Variants in CFAP299 observed in about 807,000 individuals in gnomAD.
CFAP299 encodes the protein cilia- and flagella-associated protein 299.
In CFAP299, 21 loss-of-function variants were observed where a neutral mutation model predicts 27.0. The observed-to-expected ratio is 0.78, with a 90% confidence interval of 0.55 to 1.12. The LOEUF is 1.12. CFAP299 is among the 50% of genes most tolerant of loss of function. The pLI, the probability that CFAP299 is intolerant of heterozygous loss-of-function variation, is 0.00. For synonymous variants in CFAP299, 104 were observed against 98.1 expected (o/e 1.06, Z -0.36); for missense variants, 310 against 276.6 (o/e 1.12, Z -0.86).
chr4:80,825,541 A>G (rs1729937501), intron 3 of CFAP299, among the ~76,000 whole-genome samples: 1 of 152,032 alleles, frequency 6.6e-6, no homozygotes, highest in African/African-American at 2.4e-5. Flanking sequence ...CAGCAAAAGT[A>G]TCAACATATT....
intron 1 of CFAP299, among the ~76,000 whole-genome samples, chr4:80,356,770 A>G (rs1404332329): frequency 6.6e-6 from 1 of 152,072 alleles, no homozygotes; most frequent in Non-Finnish European, 1.5e-5. Flanking sequence ...ATAAGATCAT[A>G]TAATCTGCAA....
chr4:80,431,741 G>A (rs1271308622), intron 2 of CFAP299, among the ~76,000 whole-genome samples: 1 of 152,174 alleles, frequency 6.6e-6, no homozygotes, highest in Non-Finnish European at 1.5e-5. Flanking sequence ...CGGGGTCACT[G>A]CTCATTAACC....
At chr4:80,883,330 A>G (rs1733809398) in intron 4 of CFAP299, among the ~76,000 whole-genome samples, 1 of 152,170 alleles carries the variant, frequency 6.6e-6, no homozygotes, top group African/African-American at 2.4e-5. Context: ...GCATACCACT[A>G]TAAAAATCAT....
intron 2 of CFAP299, among the ~76,000 whole-genome samples, chr4:80,478,285 G>C (rs777151305): frequency 5.9e-5 from 9 of 152,024 alleles, no homozygotes; most frequent in Non-Finnish European, 1.0e-4. Context: ...TGCTGAAGCT[G>C]TTCATCATGC....
At chr4:80,791,293 T>C (rs112081980) in intron 3 of CFAP299, among the ~76,000 whole-genome samples, 22 of 152,124 alleles carry the variant, frequency 1.4e-4, no homozygotes, top group African/African-American at 3.6e-4. Context: ...ATAGAGTAGA[T>C]ACGAATTCTA....
At chr4:80,321,923 C>T in the CFAP299 span, among the ~76,000 whole-genome samples, 1 of 152,104 alleles carries the variant, frequency 6.6e-6, no homozygotes, top group Non-Finnish European at 1.5e-5. Context: ...CTGTCTCACC[C>T]AGCCCCCTTT....
At chr4:80,807,290 A>T (rs558964259) in intron 3 of CFAP299, among the ~76,000 whole-genome samples, 5 of 152,302 alleles carry the variant, frequency 3.3e-5, no homozygotes, top group East Asian at 1.9e-4. Context: ...AAATATTTTT[A>T]AAATGAAACA....
chr4:80,330,447 C>T, the CFAP299 span, among the ~76,000 whole-genome samples: 1 of 152,120 alleles, frequency 6.6e-6, no homozygotes, highest in Non-Finnish European at 1.5e-5. Context: ...TTGCATATGT[C>T]CTGCACTTTA....
chr4:80,819,296 T>C (rs1291715000), intron 3 of CFAP299, among the ~76,000 whole-genome samples: 1 of 152,088 alleles, frequency 6.6e-6, no homozygotes, highest in African/African-American at 2.4e-5. Context: ...TGTATAAAAG[T>C]ATTTGCAACT....
intron 3 of CFAP299, among the ~76,000 whole-genome samples, chr4:80,750,230 T>C (rs1281875992): frequency 6.6e-6 from 1 of 152,122 alleles, no homozygotes; most frequent in Admixed American, 6.5e-5. Context: ...AAATAAAAAA[T>C]AGCATTTAAA....
rs1421828164 is a variant in CFAP299 at position 80,799,445 on chromosome 4, T to G, written c.334-70548T>G. On this transcript the variant is annotated intron_variant, in intron 3 of 5. Coordinates refer to ENST00000358105, the MANE Select transcript of CFAP299 (RefSeq NM_152770.3). ...ATATTTATAATATATATAATATTTATAAAATATATATAATATATTTTATAA... is the reference window on the plus strand; with the variant it reads ...ATATTTATAATATATATAATATTTAGAAAATATATATAATATATTTTATAA... Among the ~76,000 whole-genome samples, 4 of 91,692 alleles carry G rather than the reference T, an allele frequency of 4.4e-5. No homozygotes were observed. The East Asian group carries it at 1.3e-3, about 30-fold the overall frequency. The allele number at this position is 91,692 out of a possible 152,430, so 60.2% of individuals were successfully genotyped here.
At chr4:80,849,777 T>C (rs1731407265) in intron 3 of CFAP299, among the ~76,000 whole-genome samples, 1 of 152,074 alleles carries the variant, frequency 6.6e-6, no homozygotes, top group South Asian at 2.1e-4. Flanking sequence ...TGCAATTAGA[T>C]GGGTGGAATG....
intron 3 of CFAP299, among the ~76,000 whole-genome samples, chr4:80,702,809 A>C (rs1721584319): frequency 6.6e-6 from 1 of 151,848 alleles, no homozygotes; most frequent in Non-Finnish European, 1.5e-5. Flanking sequence ...AATGTCAGAA[A>C]AACTCAAAAC....
At chr4:80,403,791 A>T (rs1270936673) in intron 2 of CFAP299, among the ~76,000 whole-genome samples, 1 of 152,172 alleles carries the variant, frequency 6.6e-6, no homozygotes, top group African/African-American at 2.4e-5. Flanking sequence ...ATACGAGCAA[A>T]TACCTTTTCT....
At chr4:80,734,270 G>T (rs541469549) in intron 3 of CFAP299, among the ~76,000 whole-genome samples, 1 of 152,048 alleles carries the variant, frequency 6.6e-6, no homozygotes, top group African/African-American at 2.4e-5. Flanking sequence ...GACTTCTTTT[G>T]AGAAATGTCT....
At chr4:80,787,868 C>T (rs545588565) in intron 3 of CFAP299, among the ~76,000 whole-genome samples, 1 of 151,948 alleles carries the variant, frequency 6.6e-6, no homozygotes, top group South Asian at 2.1e-4. Flanking sequence ...ATTATAAATC[C>T]TCCCTGACAC....
chr4:80,570,775 T>C (rs1735544725), intron 2 of CFAP299, among the ~76,000 whole-genome samples: 1 of 152,040 alleles, frequency 6.6e-6, no homozygotes, highest in Non-Finnish European at 1.5e-5. Context: ...TACTCAGAAA[T>C]GTACACATGT....
At chr4:80,503,554 C>T (rs1161860253) in intron 2 of CFAP299, among the ~76,000 whole-genome samples, 1 of 152,048 alleles carries the variant, frequency 6.6e-6, no homozygotes, top group African/African-American at 2.4e-5. Flanking sequence ...AATCAGAATC[C>T]TGATTCCTCC....
intron 3 of CFAP299, among the ~76,000 whole-genome samples, chr4:80,850,664 G>A (rs1051225843): frequency 3.9e-5 from 6 of 151,964 alleles, no homozygotes; most frequent in Non-Finnish European, 8.8e-5. Flanking sequence ...ATAGTAAAAA[G>A]GTTGCACTTC....
Sources: allele counts gnomAD v4.1 joint callset (sites outside exome capture counted in the v4.1 genomes callset), GRCh38; gene constraint gnomAD v4.1.1; transcripts MANE v1.5; gene names NCBI Gene and HGNC (gene_info 2026-07-23, HGNC 2026-07-21).